The following PLXDC2 variants were observed in gnomAD, a reference collection of about 807,000 sequenced individuals.
PLXDC2 encodes the protein plexin domain-containing protein 2.
In PLXDC2, 40 loss-of-function variants were observed where a neutral mutation model predicts 68.9. That is an observed-to-expected ratio of 0.58 (90% CI 0.45 to 0.76). PLXDC2 has a LOEUF of 0.76. Ranked by LOEUF, PLXDC2 falls within the 30% of genes least tolerant of loss-of-function variation. The pLI, the probability that PLXDC2 is intolerant of heterozygous loss-of-function variation, is 0.00. For missense variants in PLXDC2, 644 were observed against 661.9 expected (o/e 0.97, Z 0.30); for synonymous variants, 243 against 234.2 (o/e 1.04, Z -0.34).
chr10:19,819,015 A>T (rs1245329534), intron 1 of PLXDC2, among the ~76,000 whole-genome samples: 1 of 142,016 alleles, frequency 7.0e-6, no homozygotes, highest in East Asian at 2.0e-4. Flanking sequence ...ACGTTACTGA[A>T]AAAAGAATAT....
intron 12 of PLXDC2, among the ~76,000 whole-genome samples, chr10:20,233,244 G>A (rs145581773): frequency 1.3e-3 from 204 of 152,116 alleles, no homozygotes; most frequent in African/African-American, 4.8e-3. Context: ...GTGATTTGCT[G>A]GCCGGGCACG....
At chr10:20,020,607 G>T (rs1030931375) in intron 2 of PLXDC2, among the ~76,000 whole-genome samples, 1 of 151,776 alleles carries the variant, frequency 6.6e-6, no homozygotes, top group Non-Finnish European at 1.5e-5. Context: ...GTGTATCTCC[G>T]TTCATGATCT....
intron 1 of PLXDC2, among the ~76,000 whole-genome samples, chr10:19,998,835 G>A (rs558392315): frequency 6.6e-6 from 1 of 152,196 alleles, no homozygotes; most frequent in Non-Finnish European, 1.5e-5. Flanking sequence ...AACCTCAGCT[G>A]TCTAGAGACC....
At chr10:19,829,476 T>G (rs1466100334) in intron 1 of PLXDC2, among the ~76,000 whole-genome samples, 3 of 152,182 alleles carry the variant, frequency 2.0e-5, no homozygotes, top group African/African-American at 4.8e-5. Context: ...TTACAATTTC[T>G]GTAATGTGAT....
At chr10:20,207,542 G>A (rs1406868433) in intron 9 of PLXDC2, among the ~76,000 whole-genome samples, 1 of 152,142 alleles carries the variant, frequency 6.6e-6, no homozygotes, top group Non-Finnish European at 1.5e-5. Context: ...TTATGGTCAG[G>A]TGGCTCCCAA....
intron 10 of PLXDC2, among the ~76,000 whole-genome samples, chr10:20,215,332 G>A (rs1445352559): frequency 6.6e-6 from 1 of 151,998 alleles, no homozygotes; most frequent in East Asian, 1.9e-4. Context: ...AGTTGGATTA[G>A]GTAAGAGCAA....
chr10:19,874,756 T>G (rs2131345777), intron 1 of PLXDC2, among the ~76,000 whole-genome samples: 1 of 152,192 alleles, frequency 6.6e-6, no homozygotes, highest in East Asian at 1.9e-4. Flanking sequence ...GTAGGTACAG[T>G]TAGAGGCAGA....
At chr10:20,139,322 T>G (rs1284636242) in intron 4 of PLXDC2, among the ~76,000 whole-genome samples, 2 of 152,342 alleles carry the variant, frequency 1.3e-5, no homozygotes, top group African/African-American at 2.4e-5. Flanking sequence ...CTTCTCTTAC[T>G]TGATTCTTTT....
chr10:20,285,569 C>T lies in PLXDC2; in HGVS notation c.*5750C>T, dbSNP rs1158417452. ...TATCACTGCATGTCTGTGCTGTAGA[C>T]CTGTTAATTTTATCTGTGAGAAAAA... On this transcript the variant is annotated 3_prime_UTR_variant, in exon 14 of 14. Coordinates refer to ENST00000377252, the MANE Select transcript of PLXDC2 (RefSeq NM_032812.9). 2.0e-5 allele frequency: 3 copies of T among 152,114 alleles called. No individual in the cohort carries two copies. The highest frequency in any genetic ancestry group is 4.4e-5 in the Non-Finnish European group (3 of 68,008). 9.4% of individuals were successfully genotyped at this position (152,114 alleles called of 1,614,324 possible).
At position 20,143,353 on chromosome 10, in the gene PLXDC2, A is replaced by T; in HGVS notation, c.600A>T (p.Ala200=). The T allele has an allele frequency of 3.7e-6, 6 of 1,613,294 alleles. No individual in the cohort carries two copies. The highest frequency in any genetic ancestry group is 4.2e-6 in the Non-Finnish European group (5 of 1,179,394). ...HRMLTATQYI[A]PLMANFDPSV... is the part of the protein sequence containing the mutation. ...TGCTAACAGCCACACAGTACATAGC[A>T]CCTTTAATGGCAAATTTCGATCCCA... is the stretch of plus-strand genomic sequence containing the variant. Residue 200 remains alanine, a synonymous_variant, in exon 5 of 14, where the codon GCA becomes GCT. Coordinates refer to ENST00000377252, the MANE Select transcript of PLXDC2 (RefSeq NM_032812.9).
rs1336271888 is a variant in PLXDC2, at chr10:20,230,730, A to G, written c.1312+11628A>G. Among the ~76,000 whole-genome samples the G allele has an allele frequency of 1.4e-5, 2 of 141,776 alleles. 1 individual carries two copies. The highest frequency in any genetic ancestry group is 3.1e-5 in the Non-Finnish European group (2 of 63,998). 93.0% of individuals were successfully genotyped at this position (141,776 alleles called of 152,430 possible). A position where few individuals can be genotyped will look rare whatever the true frequency, so the allele number is the denominator to read the frequency against. On this transcript the variant is annotated intron_variant, in intron 12 of 13. Transcript: ENST00000377252. ...AAAAAAAAAACAGGAAAACAGTGTC[A>G]TTTCATTAGGAACCATTATAATTTT...
At chr10:19,935,656 T>G (rs1465233344) in intron 1 of PLXDC2, among the ~76,000 whole-genome samples, 1 of 152,192 alleles carries the variant, frequency 6.6e-6, no homozygotes, top group Non-Finnish European at 1.5e-5. Context: ...TTAACACTGA[T>G]GCATTGACCT....
intron 4 of PLXDC2, among the ~76,000 whole-genome samples, chr10:20,079,619 T>A (rs1435932682): frequency 6.6e-6 from 1 of 152,194 alleles, no homozygotes; most frequent in African/African-American, 2.4e-5. Context: ...AAGAGTGAGT[T>A]CATGTACTTT....
chr10:19,840,774 C>T (rs911934877), intron 1 of PLXDC2, among the ~76,000 whole-genome samples: 1 of 151,918 alleles, frequency 6.6e-6, no homozygotes, highest in Non-Finnish European at 1.5e-5. Flanking sequence ...TGTGATATTA[C>T]GTGATTGAAG....
intron 1 of PLXDC2, among the ~76,000 whole-genome samples, chr10:19,833,981 G>A (rs147764827): frequency 3.1e-4 from 47 of 151,048 alleles, no homozygotes; most frequent in African/African-American, 1.1e-3. Context: ...CTGTATGGAG[G>A]CCTTTAGTGT....
intron 6 of PLXDC2, among the ~76,000 whole-genome samples, chr10:20,152,496 C>A (rs1834164849): frequency 6.6e-6 from 1 of 151,956 alleles, no homozygotes. Flanking sequence ...TAATTAACTT[C>A]AAAGATAGAG....
intron 2 of PLXDC2, among the ~76,000 whole-genome samples, chr10:20,040,729 A>G (rs1835668820): frequency 6.6e-6 from 1 of 151,934 alleles, no homozygotes; most frequent in African/African-American, 2.4e-5. Flanking sequence ...AGAATTTGGA[A>G]GGGAGAAATA....
chr10:19,845,236 G>A (rs576700266), intron 1 of PLXDC2, among the ~76,000 whole-genome samples: 2 of 152,144 alleles, frequency 1.3e-5, no homozygotes. Context: ...CCACCAGTGT[G>A]CTCATAAATT....
chr10:19,913,048 C>T (rs1833302743), intron 1 of PLXDC2, among the ~76,000 whole-genome samples: 2 of 152,138 alleles, frequency 1.3e-5, no homozygotes, highest in South Asian at 4.1e-4. Context: ...CACAAGTTGT[C>T]AAAGTATCTG....
Sources: allele counts gnomAD v4.1 joint callset (sites outside exome capture counted in the v4.1 genomes callset), GRCh38; gene constraint gnomAD v4.1.1; transcripts MANE v1.5; gene names NCBI Gene and HGNC (gene_info 2026-07-23, HGNC 2026-07-21).